Variants in SAMD3 observed in about 807,000 individuals in gnomAD.
SAMD3 encodes the protein sterile alpha motif domain containing 3.
A neutral mutation model predicts 58.5 loss-of-function variants in SAMD3; 63 were observed. The ratio of observed to expected loss-of-function variants is 1.08; its 90% CI spans 0.88 to 1.33. The LOEUF (loss-of-function observed/expected upper bound fraction) is 1.33. SAMD3 is among the 40% of genes most tolerant of loss of function. The probability of loss-of-function intolerance (pLI) is 0.00; values close to 1 mark genes in which losing one functional copy is unlikely to be tolerated. For synonymous variants in SAMD3, 220 were observed against 210.3 expected (o/e 1.05, Z -0.40); for missense variants, 604 against 608.4 (o/e 0.99, Z 0.08).
rs551192489 is a variant in SAMD3 at position 130,201,096 on chromosome 6, C to A, written c.383+8399G>T. Among the ~76,000 whole-genome samples the A allele has an allele frequency of 3.9e-5, 6 of 152,196 alleles. No homozygotes were observed. The South Asian group carries it at 1.2e-3, about 32-fold the overall frequency. Reference sequence around the variant, plus strand: ...TTTATATTTAAATATCCTTTTGATGCCTGTTACCACCGTCTTAGCTTAGAC... The same window carrying A: ...TTTATATTTAAATATCCTTTTGATGACTGTTACCACCGTCTTAGCTTAGAC... On this transcript the variant is annotated intron_variant, in intron 5 of 11. Transcript: ENST00000439090.
At chr6:130,234,106 T>C (rs529277971) in intron 2 of SAMD3, among the ~76,000 whole-genome samples, 7 of 152,262 alleles carry the variant, frequency 4.6e-5, no homozygotes, top group Non-Finnish European at 1.0e-4. Context: ...GAGTGATGTC[T>C]AACTCTCATC....
At chr6:130,184,068 T>C (rs548056106) in intron 7 of SAMD3, 35 bp downstream of exon 7, 1 of 1,546,330 alleles carries the variant, frequency 6.5e-7, no homozygotes, top group African/African-American at 1.4e-5. Flanking sequence ...TAAGATAGTC[T>C]GAAATTAACA....
At chr6:130,215,691 T>A in intron 2 of SAMD3, 1 of 1,443,432 alleles carries the variant, frequency 6.9e-7, no homozygotes, top group East Asian at 2.5e-5. Context: ...AGGAAGTGGT[T>A]GACATTTACA....
intron 2 of SAMD3, among the ~76,000 whole-genome samples, chr6:130,282,577 G>C (rs1444355735): frequency 6.6e-6 from 1 of 151,994 alleles, no homozygotes; most frequent in Non-Finnish European, 1.5e-5. Flanking sequence ...TTGAAATGGA[G>C]ACCACTGAAT....
chr6:130,234,467 C>A (rs1194402108), intron 2 of SAMD3, among the ~76,000 whole-genome samples: 1 of 152,128 alleles, frequency 6.6e-6, no homozygotes, highest in South Asian at 2.1e-4. Flanking sequence ...CATTTTGACA[C>A]ACACATATAT....
At chr6:130,229,912 G>A (rs185913618) in intron 2 of SAMD3, among the ~76,000 whole-genome samples, 114 of 152,292 alleles carry the variant, frequency 7.5e-4, no homozygotes, top group Non-Finnish European at 9.7e-4. Context: ...CTGTCAAACA[G>A]ATAACTACAG....
At chr6:130,176,916 G>A (rs936347421) in intron 7 of SAMD3, among the ~76,000 whole-genome samples, 7 of 152,154 alleles carry the variant, frequency 4.6e-5, no homozygotes, top group African/African-American at 1.7e-4. Flanking sequence ...AAAAAATAAA[G>A]TGGGAGAGAG....
intron 8 of SAMD3, chr6:130,160,336 T>C (rs1299329541): frequency 1.3e-5 from 2 of 152,228 alleles, no homozygotes; most frequent in East Asian, 3.8e-4. Context: ...CCTGGATGAA[T>C]TCCAGTGACA....
chr6:130,245,092 C>A (rs1052999161), intron 2 of SAMD3, among the ~76,000 whole-genome samples: 29 of 152,164 alleles, frequency 1.9e-4, no homozygotes, highest in Non-Finnish European at 3.8e-4. Context: ...GTTCTGGATG[C>A]ATATCTATGA....
At chr6:130,290,337 T>C (rs1262867309) in intron 2 of SAMD3, among the ~76,000 whole-genome samples, 1 of 152,226 alleles carries the variant, frequency 6.6e-6, no homozygotes, top group Non-Finnish European at 1.5e-5. Flanking sequence ...AGGATTTCTA[T>C]GTTACACTCT....
At chr6:130,344,420 C>T (rs998857497) in intron 1 of SAMD3, among the ~76,000 whole-genome samples, 5 of 152,132 alleles carry the variant, frequency 3.3e-5, no homozygotes, top group Admixed American at 6.6e-5. Context: ...CTCGCTCTGT[C>T]GCCCAGGCTG....
At chr6:130,154,766 ATG>A (rs545890910) in intron 9 of SAMD3, 57 bp downstream of exon 9, 417 of 632,816 alleles carry the variant, frequency 6.6e-4, no homozygotes, top group South Asian at 1.6e-3. Context: ...ATATTAAAAT[ATG>A]TGTGTGTGTG....
At chr6:130,231,200 A>G (rs549478848) in intron 2 of SAMD3, among the ~76,000 whole-genome samples, 61 of 152,310 alleles carry the variant, frequency 4.0e-4, no homozygotes, top group African/African-American at 1.5e-3. Flanking sequence ...TTTTAAATTT[A>G]TATTTATTTC....
At position 130,329,010 on chromosome 6, in the gene SAMD3, G is replaced by T. The variant is rs558933951; in HGVS notation, c.-303-15917C>A. 2.6e-5 allele frequency among the ~76,000 whole-genome samples: 4 copies of T among 151,418 alleles called. No homozygotes were observed. The South Asian group carries it at 8.4e-4, about 32-fold the overall frequency. On this transcript the variant is annotated intron_variant, in intron 1 of 13. Coordinates refer to the SAMD3 transcript ENST00000368134. ...GATGGCCACAAGTAAGAGAGGGAGG[G>T]GATCTAGGTGTAGACCAATATCTCT...
At chr6:130,306,598 G>T (rs1026745971) in intron 2 of SAMD3, among the ~76,000 whole-genome samples, 2 of 152,164 alleles carry the variant, frequency 1.3e-5, no homozygotes, top group Non-Finnish European at 2.9e-5. Flanking sequence ...TAACTGTCCA[G>T]TCTCTTGTCA....
At chr6:130,276,744 G>A (rs906624873) in intron 2 of SAMD3, among the ~76,000 whole-genome samples, 1 of 152,100 alleles carries the variant, frequency 6.6e-6, no homozygotes, top group African/African-American at 2.4e-5. Context: ...TTAATGCAGG[G>A]TTAGCCAAGT....
intron 11 of SAMD3, 107 bp from the exon 12 acceptor site, chr6:130,144,911 A>C: frequency 9.6e-7 from 1 of 1,037,988 alleles, no homozygotes; most frequent in Non-Finnish European, 1.4e-6. Flanking sequence ...GCAATGTAGC[A>C]TATTTGTAAA....
intron 9 of SAMD3, among the ~76,000 whole-genome samples, chr6:130,150,108 T>C (rs971658808): frequency 2.7e-5 from 4 of 148,458 alleles, no homozygotes; most frequent in Admixed American, 6.7e-5. Context: ...CATGTGTGTG[T>C]GTGTGCGCGC....
rs1410311849 is a variant in SAMD3, at chr6:130,313,599, GC to G, written c.-303-507del. Among the ~76,000 whole-genome samples, 8 of 152,288 alleles carry G rather than the reference GC, an allele frequency of 5.3e-5. No homozygotes were observed. The East Asian group carries it at 1.5e-3, about 29-fold the overall frequency. On this transcript the variant is annotated intron_variant, in intron 1 of 13. Transcript: ENST00000368134. ...ATTAAATTCCCTCACTTTCTGTGTTGCCTTTCACCAATGCCACCCCACTGTC... is the reference window on the plus strand; with the variant it reads ...ATTAAATTCCCTCACTTTCTGTGTTGCTTTCACCAATGCCACCCCACTGTC...
Sources: gnomAD v4.1 joint callset for allele counts (sites outside exome capture counted in the v4.1 genomes callset) on GRCh38, gnomAD v4.1.1 for gene constraint, MANE v1.5 for transcripts, NCBI Gene and HGNC (gene_info 2026-07-23, HGNC 2026-07-21) for gene names.